PPP2R5E: variants seen among roughly 807,000 people sequenced by gnomAD.
PPP2R5E encodes serine/threonine-protein phosphatase 2A 56 kDa regulatory subunit epsilon isoform.
In PPP2R5E, 4 loss-of-function variants were observed where a neutral mutation model predicts 65.3. That is an observed-to-expected ratio of 0.06 (90% CI 0.03 to 0.14). The LOEUF (loss-of-function observed/expected upper bound fraction) is 0.14, where lower values mean the gene tolerates loss of function less well. PPP2R5E is among the 10% of genes least tolerant of loss of function. The probability of loss-of-function intolerance (pLI) is 1.00; values close to 1 mark genes in which losing one functional copy is unlikely to be tolerated. For missense variants in PPP2R5E, 274 were observed against 556.1 expected (o/e 0.49, Z 5.10); for synonymous variants, 183 against 187.4 (o/e 0.98, Z 0.19).
intron 2 of PPP2R5E, among the ~76,000 whole-genome samples, chr14:63,531,676 G>A (rs528603851): frequency 2.0e-5 from 3 of 150,372 alleles, no homozygotes; most frequent in South Asian, 4.2e-4. Context: ...ACACACGGCC[G>A]GGTGCGGTGG....
intron 2 of PPP2R5E, among the ~76,000 whole-genome samples, chr14:63,513,282 A>G (rs78934588): frequency 0.014 from 2,088 of 152,324 alleles, 40 homozygotes; most frequent in African/African-American, 0.048. Context: ...CAAAATACAC[A>G]CTGCATCGCC....
At chr14:63,454,669 A>C (rs1889023445) in intron 2 of PPP2R5E, among the ~76,000 whole-genome samples, 1 of 152,170 alleles carries the variant, frequency 6.6e-6, no homozygotes, top group South Asian at 2.1e-4. Context: ...GGTTAGTTGA[A>C]ATTCCTCAGC....
At chr14:63,400,755 A>G (rs2139816559) in intron 5 of PPP2R5E, among the ~76,000 whole-genome samples, 1 of 150,424 alleles carries the variant, frequency 6.6e-6, no homozygotes, top group African/African-American at 2.4e-5. Context: ...CATGTTCCAA[A>G]TGACATAAGA....
At chr14:63,441,112 T>C (rs1888215376) in intron 3 of PPP2R5E, among the ~76,000 whole-genome samples, 1 of 152,184 alleles carries the variant, frequency 6.6e-6, no homozygotes, top group South Asian at 2.1e-4. Flanking sequence ...CACAGGTGGT[T>C]CTCATTCAAT....
At chr14:63,396,536 T>A (rs374028755) in intron 6 of PPP2R5E, 50 bp downstream of exon 6, 100 of 1,598,398 alleles carry the variant, frequency 6.3e-5, no homozygotes, top group Non-Finnish European at 8.2e-5. Context: ...TTAATACTCA[T>A]AAAAACACCA....
At chr14:63,430,487 TAATA>T (rs1312876715) in intron 3 of PPP2R5E, among the ~76,000 whole-genome samples, 2 of 151,868 alleles carry the variant, frequency 1.3e-5, no homozygotes, top group Non-Finnish European at 2.9e-5. Context: ...AACATAAAAA[TAATA>T]AATAATAACA....
At chr14:63,389,380 G>A (rs74653982) in intron 11 of PPP2R5E, among the ~76,000 whole-genome samples, 3,556 of 151,936 alleles carry the variant, frequency 0.023, 94 homozygotes, top group African/African-American at 0.065. Flanking sequence ...AAAACATAAT[G>A]CCCTCCTTGC....
At chr14:63,466,673 C>T (rs939509014) in intron 2 of PPP2R5E, among the ~76,000 whole-genome samples, 2 of 152,096 alleles carry the variant, frequency 1.3e-5, no homozygotes, top group African/African-American at 4.8e-5. Context: ...CATTTCAAAG[C>T]TTTATTTCCT....
intron 2 of PPP2R5E, among the ~76,000 whole-genome samples, chr14:63,535,074 G>GC (rs1201543962): frequency 2.0e-5 from 3 of 152,168 alleles, no homozygotes; most frequent in Non-Finnish European, 4.4e-5. Context: ...AGGTGGTGTT[G>GC]CTTTCTACAG....
intron 3 of PPP2R5E, among the ~76,000 whole-genome samples, chr14:63,444,313 G>A (rs1483219314): frequency 2.6e-5 from 4 of 152,146 alleles, no homozygotes; most frequent in African/African-American, 9.7e-5. Context: ...TAATCATTCT[G>A]TCAAGCCTTC....
rs185367966 is a variant in PPP2R5E, at chr14:63,501,322, G to A, written c.157+38207C>T. Among the ~76,000 whole-genome samples, 97 of 151,546 alleles carry A rather than the reference G, an allele frequency of 6.4e-4. 1 individual carries two copies. The highest frequency in any genetic ancestry group is 6.8e-3 in the Middle Eastern group (2 of 294). On this transcript the variant is annotated intron_variant, in intron 2 of 13. Transcript: ENST00000337537. ...CAAGAGGCTGAGGCAGGAGAATGGC[G>A]TGAACCCGGGAGGCGGAGCTTGCAG...
At chr14:63,430,346 TATACATACATACATACATAC>T (rs36182172) in intron 3 of PPP2R5E, among the ~76,000 whole-genome samples, 2 of 135,148 alleles carry the variant, frequency 1.5e-5, no homozygotes, top group African/African-American at 6.4e-5. Flanking sequence ...AAAACCCATG[TATACATACATACATACATAC>T]ATACATGCAT....
chr14:63,519,203 AGACTCC>A (rs1160141862), intron 2 of PPP2R5E, among the ~76,000 whole-genome samples: 1 of 152,146 alleles, frequency 6.6e-6, no homozygotes, highest in African/African-American at 2.4e-5. Flanking sequence ...AACAAGAGCG[AGACTCC>A]GTCTCAAAAA....
chr14:63,443,926 C>T (rs921146148), intron 3 of PPP2R5E, among the ~76,000 whole-genome samples: 2 of 152,188 alleles, frequency 1.3e-5, no homozygotes, highest in East Asian at 1.9e-4. Flanking sequence ...GCCTGCAGTT[C>T]GCTTAGGCCC....
intron 2 of PPP2R5E, among the ~76,000 whole-genome samples, chr14:63,522,183 T>C (rs1401110710): frequency 2.0e-5 from 3 of 152,080 alleles, no homozygotes; most frequent in Non-Finnish European, 4.4e-5. Context: ...TAACCGCGAG[T>C]GATCCACCAG....
At chr14:63,500,953 TC>T (rs1891846621) in intron 2 of PPP2R5E, among the ~76,000 whole-genome samples, 1 of 152,174 alleles carries the variant, frequency 6.6e-6, no homozygotes, top group Non-Finnish European at 1.5e-5. Flanking sequence ...CCAAGTGCTT[TC>T]CACATGTTAA....
intron 5 of PPP2R5E, among the ~76,000 whole-genome samples, chr14:63,397,412 G>A (rs190583581): frequency 1.4e-5 from 2 of 146,064 alleles, no homozygotes; most frequent in East Asian, 2.1e-4. Context: ...TGAGGCAGGA[G>A]AATCACCTGA....
At chr14:63,474,038 T>A (rs181912462) in intron 2 of PPP2R5E, among the ~76,000 whole-genome samples, 1 of 152,274 alleles carries the variant, frequency 6.6e-6, no homozygotes, top group East Asian at 1.9e-4. Flanking sequence ...CTGGTCACAA[T>A]GAGTTGAATG....
intron 4 of PPP2R5E, among the ~76,000 whole-genome samples, chr14:63,418,404 C>T (rs1457203794): frequency 6.6e-6 from 1 of 152,222 alleles, no homozygotes. Flanking sequence ...GGTGGAAACA[C>T]TTCAGACATA....
Sources: gnomAD v4.1 joint callset for allele counts (sites outside exome capture counted in the v4.1 genomes callset) on GRCh38, gnomAD v4.1.1 for gene constraint, MANE v1.5 for transcripts, NCBI Gene and HGNC (gene_info 2026-07-23, HGNC 2026-07-21) for gene names.